The following MAGI2 variants were observed in gnomAD, a reference collection of about 807,000 sequenced individuals.
MAGI2 encodes membrane-associated guanylate kinase, WW and PDZ domain-containing protein 2.
Under a neutral mutation model 133.3 loss-of-function variants are expected in MAGI2, and 35 were observed. That is an observed-to-expected ratio of 0.26 (90% CI 0.20 to 0.35). MAGI2 has a LOEUF of 0.35. Among genes scored for constraint, MAGI2 ranks in the 10% least tolerant of loss-of-function variants. The probability of loss-of-function intolerance (pLI) is 1.00; values close to 1 mark genes in which losing one functional copy is unlikely to be tolerated. For missense variants in MAGI2, 1,636 were observed against 1,863.4 expected (o/e 0.88, Z 2.25); for synonymous variants, 729 against 710.6 (o/e 1.03, Z -0.41).
At chr7:78,838,891 A>G (rs1386911757) in intron 2 of MAGI2, among the ~76,000 whole-genome samples, 1 of 152,140 alleles carries the variant, frequency 6.6e-6, no homozygotes, top group Non-Finnish European at 1.5e-5. Flanking sequence ...ATCAGATTCC[A>G]AGTGTTATAA....
At chr7:79,293,800 A>G (rs927109382) in intron 1 of MAGI2, among the ~76,000 whole-genome samples, 1 of 152,180 alleles carries the variant, frequency 6.6e-6, no homozygotes, top group Admixed American at 6.5e-5. Flanking sequence ...TTAAATAAAC[A>G]TTTGCTCAAG....
rs35559367 is a variant in MAGI2, at chr7:78,192,523, C to CTTTT, written c.2269+2347_2269+2350dup. 8.5e-3 allele frequency among the ~76,000 whole-genome samples: 1,187 copies of CTTTT among 139,910 alleles called. 20 individuals are homozygous for CTTTT. Among genetic ancestry groups the CTTTT allele is most frequent in the African/African-American group, 0.028 (1,055 of 37,690 alleles). 91.8% of individuals were successfully genotyped at this position (139,910 alleles called of 152,430 possible). On this transcript the variant is annotated intron_variant, in intron 12 of 21. Coordinates refer to ENST00000354212, the MANE Select transcript of MAGI2 (RefSeq NM_012301.4). ...AACGTACAGGAGGGCAAAAGGCTGT[C>CTTTT]TTTTTTTTTTTTTTTTAAGACACTC...
intron 2 of MAGI2, among the ~76,000 whole-genome samples, chr7:78,658,563 T>C (rs1812560488): frequency 6.6e-6 from 1 of 152,108 alleles, no homozygotes; most frequent in South Asian, 2.1e-4. Flanking sequence ...AATATTTGCA[T>C]ATCACCACAT....
chr7:79,233,955 G>T (rs1161182372), intron 1 of MAGI2, among the ~76,000 whole-genome samples: 13 of 148,668 alleles, frequency 8.7e-5, no homozygotes, highest in Non-Finnish European at 1.2e-4. Flanking sequence ...TCCATGTTTA[G>T]CGCTTCCTTC....
intron 1 of MAGI2, among the ~76,000 whole-genome samples, chr7:79,018,032 A>G (rs1389949489): frequency 6.6e-6 from 1 of 152,022 alleles, no homozygotes; most frequent in Non-Finnish European, 1.5e-5. Flanking sequence ...ATCCATGAAA[A>G]TTTCCCCAAT....
At chr7:78,950,738 A>T (rs1053933161) in intron 2 of MAGI2, among the ~76,000 whole-genome samples, 2 of 152,174 alleles carry the variant, frequency 1.3e-5, no homozygotes, top group East Asian at 3.8e-4. Context: ...TTGCTTATGT[A>T]AATTCAAAAC....
intron 13 of MAGI2, among the ~76,000 whole-genome samples, chr7:78,179,334 C>G (rs1296664239): frequency 6.6e-6 from 1 of 152,194 alleles, no homozygotes; most frequent in African/African-American, 2.4e-5. Flanking sequence ...TATACAGTAG[C>G]ACTCGTTGTA....
intron 2 of MAGI2, among the ~76,000 whole-genome samples, chr7:78,759,203 C>T (rs1425024437): frequency 6.6e-6 from 1 of 151,840 alleles, no homozygotes; most frequent in African/African-American, 2.4e-5. Context: ...TCAAGTCTAC[C>T]AGAGTCAGAA....
At chr7:78,620,577 C>T (rs1807622705) in intron 3 of MAGI2, among the ~76,000 whole-genome samples, 1 of 151,832 alleles carries the variant, frequency 6.6e-6, no homozygotes, top group South Asian at 2.1e-4. Flanking sequence ...GCTCAAGAAA[C>T]CTGGTGTGCT....
At chr7:78,597,832 C>G (rs1353610548) in intron 3 of MAGI2, among the ~76,000 whole-genome samples, 1 of 149,464 alleles carries the variant, frequency 6.7e-6, no homozygotes, top group African/African-American at 2.5e-5. Context: ...TCCGATATTT[C>G]CAGAATCTTT....
intron 10 of MAGI2, among the ~76,000 whole-genome samples, chr7:78,245,508 G>A (rs1454952426): frequency 6.6e-6 from 1 of 152,050 alleles, no homozygotes; most frequent in African/African-American, 2.4e-5. Flanking sequence ...ACATTTTGAT[G>A]AAAATAACTA....
chr7:78,359,046 G>C (rs1792489770), intron 7 of MAGI2: 1 of 152,398 alleles, frequency 6.6e-6, no homozygotes, highest in Non-Finnish European at 1.5e-5. Context: ...CTGGGGGCAA[G>C]GGAAGGGCCT....
intron 1 of MAGI2, among the ~76,000 whole-genome samples, chr7:79,077,574 C>T (rs1342262437): frequency 1.3e-4 from 3 of 23,788 alleles, no homozygotes; most frequent in Non-Finnish European, 2.8e-4. Context: ...GACTGCCTCT[C>T]AAAAAAAAAA....
At chr7:79,160,265 G>C (rs1308223152) in intron 1 of MAGI2, among the ~76,000 whole-genome samples, 1 of 151,856 alleles carries the variant, frequency 6.6e-6, no homozygotes, top group Non-Finnish European at 1.5e-5. Flanking sequence ...TTTTCCTCTA[G>C]TTAAAAAACT....
intron 1 of MAGI2, among the ~76,000 whole-genome samples, chr7:79,107,162 A>G (rs908815581): frequency 1.3e-5 from 2 of 152,202 alleles, no homozygotes; most frequent in Non-Finnish European, 2.9e-5. Flanking sequence ...AACCACATGA[A>G]TAAGTGGAGA....
intron 2 of MAGI2, among the ~76,000 whole-genome samples, chr7:78,986,852 T>C (rs1400238988): frequency 6.6e-6 from 1 of 152,020 alleles, no homozygotes; most frequent in Admixed American, 6.6e-5. Flanking sequence ...TCTCTCTTGC[T>C]CCCCATCAGT....
At chr7:78,653,327 T>G (rs992223251) in intron 2 of MAGI2, among the ~76,000 whole-genome samples, 7 of 152,098 alleles carry the variant, frequency 4.6e-5, no homozygotes, top group Non-Finnish European at 8.8e-5. Flanking sequence ...TATAAAGATA[T>G]ATGCACATGT....
At chr7:79,250,857 A>G (rs1833193130) in intron 1 of MAGI2, among the ~76,000 whole-genome samples, 1 of 152,218 alleles carries the variant, frequency 6.6e-6, no homozygotes, top group South Asian at 2.1e-4. Flanking sequence ...GTAGAGCTAT[A>G]GTAACCAAGA....
intron 9 of MAGI2, among the ~76,000 whole-genome samples, chr7:78,292,323 C>T (rs981445604): frequency 1.3e-5 from 2 of 152,170 alleles, no homozygotes; most frequent in Non-Finnish European, 2.9e-5. Context: ...TGAGTGAACT[C>T]CCATTCACAA....
Sources: allele counts gnomAD v4.1 joint callset (sites outside exome capture counted in the v4.1 genomes callset), GRCh38; gene constraint gnomAD v4.1.1; transcripts MANE v1.5; gene names NCBI Gene and HGNC (gene_info 2026-07-23, HGNC 2026-07-21).